Variants in GAB2 observed in about 807,000 individuals in gnomAD.
GAB2 encodes the protein GRB2 associated binding protein 2.
GAB2 carries 26 observed loss-of-function variants against 65.5 expected under a neutral mutation model. That is an observed-to-expected ratio of 0.40 (90% CI 0.29 to 0.55). The LOEUF (loss-of-function observed/expected upper bound fraction) is 0.55, where lower values mean the gene tolerates loss of function less well. Among genes scored for constraint, GAB2 ranks in the 20% least tolerant of loss-of-function variants. The probability of loss-of-function intolerance (pLI) is 0.53; values close to 1 mark genes in which losing one functional copy is unlikely to be tolerated. For missense variants in GAB2, 884 were observed against 875.8 expected, an observed-to-expected ratio of 1.01 and a Z score of -0.12; for synonymous variants, 321 against 329.6, an observed-to-expected ratio of 0.97 and a Z score of 0.28.
chr11:78,332,333 CCCA>C, intron 1 of GAB2, among the ~76,000 whole-genome samples: 1 of 152,272 alleles, frequency 6.6e-6, no homozygotes, highest in African/African-American at 2.4e-5. Flanking sequence ...ACTTTCCCTG[CCCA>C]CCAACCTAGG....
At chr11:78,289,893 A>G (rs1432561424) in intron 1 of GAB2, among the ~76,000 whole-genome samples, 1 of 148,920 alleles carries the variant, frequency 6.7e-6, no homozygotes, top group East Asian at 2.0e-4. Flanking sequence ...GGGAACAGAT[A>G]AAATAGGTTC....
rs1234271061 is a variant in GAB2, at chr11:78,218,487, C to T, written c.*785G>A. 6.6e-6 allele frequency: 1 copy of T among 152,554 alleles called. No homozygotes were observed. Among genetic ancestry groups the T allele is most frequent in the East Asian group, 1.9e-4 (1 of 5,198 alleles). 9.5% of individuals were successfully genotyped at this position (152,554 alleles called of 1,614,324 possible). On this transcript the variant is annotated 3_prime_UTR_variant, in exon 10 of 10. Coordinates refer to ENST00000361507, the MANE Select transcript of GAB2 (RefSeq NM_080491.3). Reference sequence around the variant, plus strand: ...GCTCCAGAGTTCTGGGGACCCAGACCCCACAGTGTCCTTGTCATCTCCACC... The same window carrying T: ...GCTCCAGAGTTCTGGGGACCCAGACTCCACAGTGTCCTTGTCATCTCCACC...
intron 1 of GAB2, among the ~76,000 whole-genome samples, chr11:78,291,614 C>T (rs1289692626): frequency 8.0e-6 from 1 of 124,320 alleles, no homozygotes; most frequent in East Asian, 2.3e-4. Context: ...CTCTGTTGCC[C>T]AGACGGGAGT....
intron 1 of GAB2, among the ~76,000 whole-genome samples, chr11:78,370,978 A>G (rs1591070736): frequency 6.6e-6 from 1 of 152,206 alleles, no homozygotes; most frequent in East Asian, 1.9e-4. Context: ...GCTTAGGCAC[A>G]TGAGTTGCTG....
At chr11:78,305,095 C>A (rs1855329094) in intron 1 of GAB2, among the ~76,000 whole-genome samples, 1 of 152,116 alleles carries the variant, frequency 6.6e-6, no homozygotes, top group Non-Finnish European at 1.5e-5. Context: ...ACTGATGAGA[C>A]CTCAGAATAT....
intron 1 of GAB2, among the ~76,000 whole-genome samples, chr11:78,398,605 G>C (rs147596876): frequency 5.9e-5 from 9 of 152,210 alleles, no homozygotes; most frequent in Middle Eastern, 3.4e-3. Flanking sequence ...ATACTATGTA[G>C]ATATAAGTGA....
At chr11:78,386,137 GA>G (rs1856763031) in intron 1 of GAB2, among the ~76,000 whole-genome samples, 1 of 152,154 alleles carries the variant, frequency 6.6e-6, no homozygotes, top group Non-Finnish European at 1.5e-5. Context: ...AGTTCAGAGA[GA>G]ATTACTAAGT....
chr11:78,365,942 G>T (rs1230590090), intron 1 of GAB2, among the ~76,000 whole-genome samples: 1 of 152,174 alleles, frequency 6.6e-6, no homozygotes, highest in Non-Finnish European at 1.5e-5. Context: ...GTTCAGCCTG[G>T]ATGTTCAGCC....
chr11:78,348,552 C>A (rs887720958), intron 1 of GAB2, among the ~76,000 whole-genome samples: 1 of 152,174 alleles, frequency 6.6e-6, no homozygotes, highest in African/African-American at 2.4e-5. Context: ...CCTATAAACC[C>A]ATTAGAATGA....
At position 78,349,955 on chromosome 11, in the gene GAB2, ACAAT is replaced by A. The variant is rs1180152906; in HGVS notation, c.75+67687_75+67690del. On this transcript the variant is annotated intron_variant, in intron 1 of 9. Coordinates refer to ENST00000361507, the MANE Select transcript of GAB2 (RefSeq NM_080491.3). ...AGAAAAAAAGAAAAAAAAAAGAAAG[ACAAT>A]CAAGAGGTTCTGTAATATGCTTCTT... Among the ~76,000 whole-genome samples the A allele has an allele frequency of 5.9e-5, 9 of 152,298 alleles. No individual in the cohort carries two copies. The East Asian group carries it at 1.7e-3, about 29-fold the overall frequency.
At chr11:78,379,226 T>C (rs1297585950) in intron 1 of GAB2, among the ~76,000 whole-genome samples, 1 of 152,244 alleles carries the variant, frequency 6.6e-6, no homozygotes, top group African/African-American at 2.4e-5. Context: ...GCTTCAGCTA[T>C]TCTCCACAGA....
chr11:78,249,072 G>A (rs1865375538), intron 3 of GAB2, among the ~76,000 whole-genome samples: 2 of 152,206 alleles, frequency 1.3e-5, no homozygotes, highest in Non-Finnish European at 2.9e-5. Flanking sequence ...CCTCTTCTGT[G>A]TGACAGCAGA....
At chr11:78,292,324 C>T in intron 1 of GAB2, among the ~76,000 whole-genome samples, 1 of 152,204 alleles carries the variant, frequency 6.6e-6, no homozygotes, top group East Asian at 1.9e-4. Flanking sequence ...GCCCCTTCTA[C>T]AACCTTAGCC....
intron 1 of GAB2, among the ~76,000 whole-genome samples, chr11:78,284,701 C>T (rs1866426696): frequency 1.3e-5 from 2 of 152,116 alleles, no homozygotes; most frequent in Admixed American, 1.3e-4. Context: ...CTCTTTCCCC[C>T]CTTACCCTGC....
intron 1 of GAB2, among the ~76,000 whole-genome samples, chr11:78,388,419 TG>T (rs941675373): frequency 1.3e-5 from 2 of 152,078 alleles, no homozygotes; most frequent in African/African-American, 4.8e-5. Context: ...CTCAACTTCC[TG>T]GGCTTGGGCA....
intron 1 of GAB2, among the ~76,000 whole-genome samples, chr11:78,335,965 T>C (rs1263136384): frequency 6.6e-6 from 1 of 152,168 alleles, no homozygotes; most frequent in African/African-American, 2.4e-5. Context: ...GTTAAATTAA[T>C]TCCTAGGCAT....
At chr11:78,299,030 A>G (rs987825988) in intron 1 of GAB2, among the ~76,000 whole-genome samples, 1 of 152,222 alleles carries the variant, frequency 6.6e-6, no homozygotes, top group Non-Finnish European at 1.5e-5. Context: ...CAGTCTCAAC[A>G]GGGATTCAGA....
intron 1 of GAB2, among the ~76,000 whole-genome samples, chr11:78,298,178 G>C (rs1195556727): frequency 6.6e-6 from 1 of 152,174 alleles, no homozygotes; most frequent in East Asian, 1.9e-4. Context: ...ATATGGACCA[G>C]GGCAGTGGCA....
intron 1 of GAB2, among the ~76,000 whole-genome samples, chr11:78,384,864 C>T (rs1365446667): frequency 6.6e-6 from 1 of 152,202 alleles, no homozygotes; most frequent in Non-Finnish European, 1.5e-5. Flanking sequence ...GCACCAAAGA[C>T]TGGAAGATGG....
Sources: allele counts gnomAD v4.1 joint callset (sites outside exome capture counted in the v4.1 genomes callset), GRCh38; gene constraint gnomAD v4.1.1; transcripts MANE v1.5; gene names NCBI Gene and HGNC (gene_info 2026-07-23, HGNC 2026-07-21).